DOK1: variants seen among roughly 807,000 people sequenced by gnomAD.
DOK1 encodes Downstream of tyrosine kinase 1.
Under a neutral mutation model 24.0 loss-of-function variants are expected in DOK1, and 12 were observed. That is an observed-to-expected ratio of 0.50 (90% CI 0.32 to 0.81). The LOEUF (loss-of-function observed/expected upper bound fraction) is 0.81, where lower values mean the gene tolerates loss of function less well. Among genes scored for constraint, DOK1 ranks in the 30% least tolerant of loss-of-function variants. The pLI, the probability that DOK1 is intolerant of heterozygous loss-of-function variation, is 0.03. For synonymous variants in DOK1, 250 were observed against 260.9 expected, an observed-to-expected ratio of 0.96 and a Z score of 0.40; for missense variants, 591 against 620.7, an observed-to-expected ratio of 0.95 and a Z score of 0.51.
rs1397756324 is a variant in DOK1, at chr2:74,549,153, C to T, written c.-377C>T. 4.5e-6 allele frequency: 2 copies of T among 444,650 alleles called. No individual in the cohort carries two copies. Among genetic ancestry groups the T allele is most frequent in the Non-Finnish European group, 7.6e-6 (2 of 262,786 alleles). 27.5% of individuals were successfully genotyped at this position (444,650 alleles called of 1,614,324 possible). ...GCGTCGGCCACGAGAGAGCGGGAGC[C>T]TCGCTGGTCCCCATTTCAGGTACTC... On this transcript the variant is annotated 5_prime_UTR_variant, in exon 1 of 5. Coordinates refer to the DOK1 transcript ENST00000409429. This position sits in a 1 kb window ranked among gnomAD's most constrained non-coding sequence, Gnocchi z 5.3.
upstream of DOK1, chr2:74,552,722 G>C: frequency 6.2e-6 from 8 of 1,293,094 alleles, no homozygotes; most frequent in South Asian, 1.5e-5. Context: ...AGAGGGAGAA[G>C]TCACGAAAGA....
At chr2:74,554,606 C>T (rs960451761), upstream of DOK1, 1 of 704,628 alleles carries the variant, frequency 1.4e-6, no homozygotes, top group Non-Finnish European at 2.3e-6. The surrounding 1 kb of genome is among the most constrained non-coding windows in gnomAD (Gnocchi z 4.9). Flanking sequence ...CATTCCTTCT[C>T]GCTCCTCTCC....
upstream of DOK1, among the ~76,000 whole-genome samples, chr2:74,550,934 GTTTTTTTT>G (rs1030182702): frequency 1.5e-5 from 2 of 135,400 alleles, no homozygotes; most frequent in South Asian, 2.4e-4. Flanking sequence ...TCTGAAACCT[GTTTTTTTT>G]TTTTTTTTGA....
upstream of DOK1, among the ~76,000 whole-genome samples, chr2:74,551,188 C>T (rs1422177222): frequency 1.3e-5 from 2 of 152,262 alleles, no homozygotes; most frequent in Admixed American, 1.3e-4. Context: ...CCCACCTCAG[C>T]CTCCCAAAGT....
upstream of DOK1, chr2:74,549,725 G>C (rs2104442638): frequency 6.9e-7 from 1 of 1,443,656 alleles, no homozygotes; most frequent in South Asian, 1.5e-5. The surrounding 1 kb of genome is among the most constrained non-coding windows in gnomAD (Gnocchi z 5.3). Context: ...GAGCGGCCAC[G>C]ATGGCCGCAG....
upstream of DOK1, chr2:74,552,873 T>G: frequency 2.0e-6 from 1 of 507,782 alleles, no homozygotes; most frequent in South Asian, 3.1e-5. Context: ...GACCCAGAGA[T>G]AAGAGACAAC....
rs773437205 is a variant in DOK1 at position 74,556,059 on chromosome 2, G to A, written c.620G>A (p.Arg207His). 6 of 1,599,604 alleles carry A rather than the reference G, an allele frequency of 3.8e-6. No homozygotes were observed. Among genetic ancestry groups the A allele is most frequent in the African/African-American group, 1.3e-5 (1 of 74,608 alleles). The part of the protein sequence containing the change: ...PLLSWPYTLL[R>H]RYGRDKVMFS... Reference sequence around the variant, plus strand: ...CTGTCCTGGCCCTACACTCTGTTGCGTCGCTATGGCCGGGACAAGGTGCAG... The same window carrying A: ...CTGTCCTGGCCCTACACTCTGTTGCATCGCTATGGCCGGGACAAGGTGCAG... Residue 207 changes from arginine to histidine, a missense_variant, in exon 4 of 5, where the codon CGT becomes CAT. Arg to His is a conservative substitution (Grantham distance 29, BLOSUM62 0). Coordinates refer to ENST00000233668, the MANE Select transcript of DOK1 (RefSeq NM_001381.5). The surrounding 1 kb of genome is among the most constrained non-coding windows in gnomAD (Gnocchi z 4.1).
chr2:74,556,676 C>T lies in DOK1; in HGVS notation c.1008C>T (p.Leu336=), dbSNP rs1371775123. 7 of 1,614,278 alleles carry T rather than the reference C, an allele frequency of 4.3e-6. No individual in the cohort carries two copies. Among genetic ancestry groups the T allele is most frequent in the African/African-American group, 2.7e-5 (2 of 75,078 alleles). The stretch of plus-strand genomic sequence containing the variant: ...AGGGAGTACAACGGAAGAAACCTCT[C>T]TATTGGGACTTGTATGAGCATGCGC... ...AGEGVQRKKP[L]YWDLYEHAQQ... The change falls in exon 5 of 5, where the codon CTC becomes CTT. Residue 336 remains leucine, a synonymous_variant. Transcript: ENST00000233668. The surrounding 1 kb of genome is among the most constrained non-coding windows in gnomAD (Gnocchi z 4.1).
At chr2:74,552,464 G>T, upstream of DOK1, 1 of 1,613,754 alleles carries the variant, frequency 6.2e-7, no homozygotes, top group Non-Finnish European at 8.5e-7. Context: ...GTATCTCCAC[G>T]CGGCCCTCGT....
chr2:74,549,778 T>G, upstream of DOK1: 3 of 1,424,892 alleles, frequency 2.1e-6, no homozygotes, highest in Non-Finnish European at 2.7e-6. The surrounding 1 kb of genome is among the most constrained non-coding windows in gnomAD (Gnocchi z 5.3). Context: ...GCGTGGGATG[T>G]GCTGTGCTCC....
Position 74,556,176 on chromosome 2 carries a change from T to G in DOK1, c.639+98T>G. 1 of 1,530,064 alleles carries G rather than the reference T, an allele frequency of 6.5e-7. No individual in the cohort carries two copies. Among genetic ancestry groups the G allele is most frequent in the Non-Finnish European group, 8.8e-7 (1 of 1,138,452 alleles). The allele number at this position is 1,530,064 out of a possible 1,614,324, so 94.8% of individuals were successfully genotyped here. On this transcript the variant is annotated intron_variant, in intron 4 of 4. Transcript: ENST00000233668. The surrounding 1 kb of genome is among the most constrained non-coding windows in gnomAD (Gnocchi z 4.1). ...AAGCTCTGACCTTTGGATCCCCCTT[T>G]CTTGCCTACCCGGTGACCCCGCGTC...
At chr2:74,553,264 G>A (rs892660209), upstream of DOK1, among the ~76,000 whole-genome samples, 2 of 152,052 alleles carry the variant, frequency 1.3e-5, no homozygotes, top group Non-Finnish European at 2.9e-5. Flanking sequence ...CCCTGAATGG[G>A]AGCCCAGAGT....
chr2:74,555,422 G>A lies in DOK1; in HGVS notation c.329G>A (p.Trp110Ter). 4 of 1,610,826 alleles carry A rather than the reference G, an allele frequency of 2.5e-6. No homozygotes were observed. Among genetic ancestry groups the A allele is most frequent in the Non-Finnish European group, 3.4e-6 (4 of 1,179,206 alleles). Reference protein sequence around the residue: ...LAADAPSSAAWVQTLCRNAFP... With the variant: ...LAADAPSSAA ...GCCGACGCGCCGTCCAGTGCAGCCT[G>A]GGTGCAGACGCTGTGCCGAAACGCC... The change falls in exon 2 of 5, where the codon TGG becomes TAG. Residue 110 changes from tryptophan (W) to a stop codon, truncating the protein, a stop_gained. Transcript: ENST00000233668. LOFTEE classifies it high-confidence loss of function. This position sits in a 1 kb window ranked among gnomAD's most constrained non-coding sequence, Gnocchi z 6.1.
chr2:74,554,688 C>T, upstream of DOK1: 2 of 1,551,190 alleles, frequency 1.3e-6, no homozygotes, highest in Non-Finnish European at 1.8e-6. The surrounding 1 kb of genome is among the most constrained non-coding windows in gnomAD (Gnocchi z 4.9). Flanking sequence ...TCCAGGGAAC[C>T]CGGCCCCGCC....
chr2:74,552,298 G>C, upstream of DOK1: 2 of 1,581,170 alleles, frequency 1.3e-6, no homozygotes, highest in Non-Finnish European at 1.7e-6. Context: ...GAAATATCTA[G>C]GATATGCCTG....
Position 74,555,963 on chromosome 2 carries a change from T to C in DOK1, c.524T>C (p.Val175Ala). The change falls in exon 4 of 5, where the codon GTG becomes GCG. Residue 175 changes from valine to alanine, a missense_variant. Transcript: ENST00000233668. This position sits in a 1 kb window ranked among gnomAD's most constrained non-coding sequence, Gnocchi z 6.1. ...CGCTGTGGCCTGCATGGCTCCTACG[T>C]GCTGAGGGTGGAGGCTGAAAGGCTG... ...AERCGLHGSY[V>A]LRVEAERLTL... 3.1e-6 allele frequency: 5 copies of C among 1,613,834 alleles called. No homozygotes were observed. The highest frequency in any genetic ancestry group is 4.2e-6 in the Non-Finnish European group (5 of 1,179,928).
chr2:74,554,794 A>G lies in DOK1; in HGVS notation c.40A>G (p.Ser14Gly), dbSNP rs773465066. The G allele has an allele frequency of 6.2e-7, 1 of 1,613,976 alleles. No homozygotes were observed. The highest frequency in any genetic ancestry group is 1.1e-5 in the South Asian group (1 of 91,078). Residue 14 changes from serine to glycine, a missense_variant, in exon 1 of 5, where the codon AGT becomes GGT. Physicochemically the swap from Ser to Gly is moderately conservative, Grantham distance 56 (BLOSUM62 0). Coordinates refer to ENST00000233668, the MANE Select transcript of DOK1 (RefSeq NM_001381.5). The surrounding 1 kb of genome is among the most constrained non-coding windows in gnomAD (Gnocchi z 4.9). ...GATGGAAGGGCCGCTTTTTTTGCAG[A>G]GTCAGCGCTTTGGGACCAAGGTAGT... ...AVMEGPLFLQSQRFGTKRWRK... is the reference protein window; with the variant it reads ...AVMEGPLFLQGQRFGTKRWRK...
chr2:74,553,754 A>C (rs1193017822), upstream of DOK1: 3 of 152,450 alleles, frequency 2.0e-5, no homozygotes, highest in African/African-American at 7.2e-5. Flanking sequence ...TTTGACAAGA[A>C]TCAAACTCTC....
chr2:74,555,439 C>G lies in DOK1; in HGVS notation c.346C>G (p.Arg116Gly), dbSNP rs1241028879. 1.2e-6 allele frequency: 2 copies of G among 1,609,554 alleles called. No individual in the cohort carries two copies. Among genetic ancestry groups the G allele is most frequent in the Middle Eastern group, 1.7e-4 (1 of 6,016 alleles). The change falls in exon 2 of 5, where the codon CGA (arginine) becomes GGA (glycine). Residue 116 changes from arginine to glycine, a missense_variant. Arg to Gly is a moderately radical substitution (Grantham distance 125). Transcript: ENST00000233668. The surrounding 1 kb of genome is among the most constrained non-coding windows in gnomAD (Gnocchi z 6.1). ...SSAAWVQTLCRNAFPKGSWTL... is the reference protein window; with the variant it reads ...SSAAWVQTLCGNAFPKGSWTL... ...TGCAGCCTGGGTGCAGACGCTGTGC[C>G]GAAACGCCTTTCCGGTGAGGAGCTG...
Sources: gnomAD v4.1 joint callset for allele counts (sites outside exome capture counted in the v4.1 genomes callset) on GRCh38, gnomAD v4.1.1 for gene constraint, Gnocchi (gnomAD v3.1) non-coding constraint, MANE v1.5 for transcripts, NCBI Gene and HGNC (gene_info 2026-07-23, HGNC 2026-07-21) for gene names.